DDX19A: variants seen among roughly 807,000 people sequenced by gnomAD.
DDX19A encodes the protein DEAD-box helicase 19A.
In DDX19A, 12 loss-of-function variants were observed where a neutral mutation model predicts 60.6. The observed-to-expected ratio is 0.20, with a 90% confidence interval of 0.13 to 0.32. The LOEUF is 0.32. Among genes scored for constraint, DDX19A ranks in the 10% least tolerant of loss-of-function variants. The probability of loss-of-function intolerance (pLI) is 1.00; values close to 1 mark genes in which losing one functional copy is unlikely to be tolerated. For missense variants in DDX19A, 337 were observed against 600.6 expected (o/e 0.56, Z 4.59); for synonymous variants, 206 against 218.2 (o/e 0.94, Z 0.49).
In DDX19A at chr16:70,362,279, G is replaced by C. The variant is rs1359450769; in HGVS notation, c.386+769G>C. On this transcript the variant is annotated intron_variant, in intron 5 of 11. Transcript: ENST00000302243. ...GAGAATTGCTTGAACCCCAGAGGCAGAGGTTGCAGTGAGCCGAGACATGCC... is the reference window on the plus strand; with the variant it reads ...GAGAATTGCTTGAACCCCAGAGGCACAGGTTGCAGTGAGCCGAGACATGCC... 2.0e-5 allele frequency among the ~76,000 whole-genome samples: 3 copies of C among 147,708 alleles called. No homozygotes were observed. The Admixed American group carries it at 2.1e-4, about 10-fold the overall frequency.
rs183163245 is a variant in DDX19A, at chr16:70,368,602, C to T, written c.1021-1621C>T. The stretch of plus-strand genomic sequence containing the variant: ...AATACTCTTTTTTTTTTTTTTTAGA[C>T]GGTCTCACTATCTTGCCCAGGCTGG... On this transcript the variant is annotated intron_variant, in intron 9 of 11. Transcript: ENST00000302243. 1.4e-3 allele frequency among the ~76,000 whole-genome samples: 212 copies of T among 148,344 alleles called. 2 individuals carry two copies. The highest frequency in any genetic ancestry group is 5.1e-3 in the African/African-American group (202 of 39,906).
Position 70,350,610 on chromosome 16 carries a change from G to A in DDX19A, c.106+5G>A. ...AAGTCAAAGCAGATACCAATGGTGA[G>A]TCACTAGTAACTACAAGCTAGAAAA... On this transcript the variant is annotated splice_donor_5th_base_variant and intron_variant, in intron 2 of 11. Transcript: ENST00000302243. 6.2e-7 allele frequency: 1 copy of A among 1,609,150 alleles called. No homozygotes were observed. Among genetic ancestry groups the A allele is most frequent in the Non-Finnish European group, 8.5e-7 (1 of 1,176,808 alleles).
At chr16:70,366,391 G>A (rs762446062) in intron 8 of DDX19A, 129 bp downstream of exon 8, 23 of 1,412,372 alleles carry the variant, frequency 1.6e-5, no homozygotes, top group East Asian at 2.4e-5. Flanking sequence ...TTTGTTTGAC[G>A]GGCCATTTCC....
chr16:70,356,607 C>T lies in DDX19A; in HGVS notation c.293+360C>T, dbSNP rs529549411. Reference sequence around the variant, plus strand: ...TCCTGACCTCAGGTGATCTGCCTGCCTCGGCCTCTCAAGGTGCTGGGATTA... The same window carrying T: ...TCCTGACCTCAGGTGATCTGCCTGCTTCGGCCTCTCAAGGTGCTGGGATTA... On this transcript the variant is annotated intron_variant, in intron 4 of 11. Transcript: ENST00000302243. 5.5e-3 allele frequency among the ~76,000 whole-genome samples: 839 copies of T among 152,126 alleles called. 4 individuals are homozygous for T. Among genetic ancestry groups the T allele is most frequent in the Non-Finnish European group, 6.7e-3 (453 of 68,012 alleles).
chr16:70,369,967 A>G (rs188224022), intron 9 of DDX19A, among the ~76,000 whole-genome samples: 165 of 152,124 alleles, frequency 1.1e-3, no homozygotes, highest in Non-Finnish European at 2.0e-3. Context: ...TTCCTGTTGC[A>G]CTATATCGGG....
intron 10 of DDX19A, 38 bp downstream of exon 10, chr16:70,370,423 C>T (rs374254075): frequency 3.9e-5 from 62 of 1,594,710 alleles, no homozygotes; most frequent in South Asian, 2.6e-4. Flanking sequence ...CTGCCAGGCT[C>T]GGGGTCCCAG....
chr16:70,357,743 T>C (rs959715662), intron 4 of DDX19A, among the ~76,000 whole-genome samples: 2 of 152,086 alleles, frequency 1.3e-5, no homozygotes, highest in Non-Finnish European at 2.9e-5. Context: ...CATTGTGTTA[T>C]ATACATGCCA....
Position 70,352,265 on chromosome 16 carries a change from A to G in DDX19A, c.106+1660A>G, listed in dbSNP as rs145880513. ...CTTGGCAAACTTTCCATATCAATAC[A>G]TGCAGTTTCATCCATGTCTTTTTTT... On this transcript the variant is annotated intron_variant, in intron 2 of 11. Coordinates refer to ENST00000302243, the MANE Select transcript of DDX19A (RefSeq NM_018332.5). 4.5e-4 allele frequency among the ~76,000 whole-genome samples: 68 copies of G among 150,916 alleles called. No homozygotes were observed. The East Asian group carries it at 0.012, about 27-fold the overall frequency.
At position 70,356,190 on chromosome 16, in the gene DDX19A, T is replaced by C. The variant is rs747366110; in HGVS notation, c.236T>C (p.Leu79Pro). The change falls in exon 4 of 12, where the codon CTG (leucine) becomes CCG (proline). Residue 79 changes from leucine to proline, a missense_variant. By Grantham distance (98) the Leu-to-Pro change is moderately conservative. Around this residue, in one of 6 missense-constraint regions of DDX19A, gnomAD observed 127 missense variants for 160.3 expected, o/e 0.79. Transcript: ENST00000302243. ...LVDNTNQVEV[L>P]QRDPNSPLYS... is the part of the protein sequence containing the mutation. ...GATAACACAAACCAAGTGGAAGTCC[T>C]GCAACGGGATCCAAACTCCCCTCTG... 2 of 1,614,124 alleles carry C rather than the reference T, an allele frequency of 1.2e-6. No homozygotes were observed. The highest frequency in any genetic ancestry group is 8.5e-7 in the Non-Finnish European group (1 of 1,180,026).
intron 5 of DDX19A, chr16:70,363,823 T>G (rs1597536052): frequency 6.6e-6 from 1 of 152,312 alleles, no homozygotes; most frequent in East Asian, 1.9e-4. Flanking sequence ...CACTGCAAGC[T>G]CCGCCTCCCA....
intron 2 of DDX19A, among the ~76,000 whole-genome samples, chr16:70,351,478 A>C (rs1015468178): frequency 1.3e-5 from 2 of 152,094 alleles, no homozygotes; most frequent in African/African-American, 4.8e-5. Flanking sequence ...CAGTGCTGGG[A>C]TTACAGGCAT....
intron 9 of DDX19A, among the ~76,000 whole-genome samples, chr16:70,369,854 A>G (rs1964631357): frequency 6.6e-6 from 1 of 151,622 alleles, no homozygotes; most frequent in Non-Finnish European, 1.5e-5. Flanking sequence ...CAAGCGATCC[A>G]CGTGCCTCGT....
At chr16:70,368,809 G>C (rs1228747557) in intron 9 of DDX19A, among the ~76,000 whole-genome samples, 1 of 152,094 alleles carries the variant, frequency 6.6e-6, no homozygotes, top group African/African-American at 2.4e-5. Flanking sequence ...AAATCTAGAA[G>C]AATTTCCTCA....
At chr16:70,358,985 T>G (rs539372773) in intron 4 of DDX19A, among the ~76,000 whole-genome samples, 2 of 152,360 alleles carry the variant, frequency 1.3e-5, no homozygotes, top group Admixed American at 6.5e-5. Context: ...AGTGACAGTT[T>G]GCTCCTCCAA....
chr16:70,372,189 G>C lies in DDX19A; in HGVS notation c.*203G>C. The C allele has an allele frequency of 1.3e-6, 1 of 780,746 alleles. No individual in the cohort carries two copies. Among genetic ancestry groups the C allele is most frequent in the Non-Finnish European group, 2.0e-6 (1 of 489,390 alleles). The allele number at this position is 780,746 out of a possible 1,614,324, so 48.4% of individuals were successfully genotyped here. ...AATAGAAGAAAAAATTTGCATTTTG[G>C]AAAATTGGGTCCTTTCCCCACTTTT... is the stretch of plus-strand genomic sequence containing the variant. On this transcript the variant is annotated 3_prime_UTR_variant, in exon 12 of 12. Transcript: ENST00000302243.
chr16:70,365,876 G>A, intron 7 of DDX19A: 1 of 652,274 alleles, frequency 1.5e-6, no homozygotes, highest in Non-Finnish European at 2.7e-6. Context: ...ATTGCTGTGT[G>A]GGATTTGATC....
At chr16:70,347,970 G>GT in intron 1 of DDX19A, 2 of 450,176 alleles carry the variant, frequency 4.4e-6, no homozygotes, top group Non-Finnish European at 8.9e-6. Flanking sequence ...GATTACAGCC[G>GT]TGAGTCACCG....
At chr16:70,366,353 G>A in intron 8 of DDX19A, 91 bp downstream of exon 8, 1 of 1,568,694 alleles carries the variant, frequency 6.4e-7, no homozygotes, top group South Asian at 1.1e-5. Flanking sequence ...CTTCTGCCTG[G>A]GTCTTGGCTC....
chr16:70,347,169 G>A, intron 1 of DDX19A, 121 bp downstream of exon 1: 1 of 959,926 alleles, frequency 1.0e-6, no homozygotes, highest in Non-Finnish European at 1.6e-6. Flanking sequence ...CAGTTTGCTA[G>A]GGCAGTCACT....
Sources: gnomAD v4.1 joint callset for allele counts (sites outside exome capture counted in the v4.1 genomes callset) on GRCh38, gnomAD v4.1.1 for gene constraint, gnomAD v4.1.1 regional missense constraint, MANE v1.5 for transcripts, NCBI Gene and HGNC (gene_info 2026-07-23, HGNC 2026-07-21) for gene names.